ASPH: variants seen among roughly 807,000 people sequenced by gnomAD.
ASPH encodes aspartyl/asparaginyl beta-hydroxylase.
Under a neutral mutation model 118.4 loss-of-function variants are expected in ASPH, and 100 were observed. The observed-to-expected ratio is 0.84, with a 90% CI of 0.72 to 1.00. The LOEUF (loss-of-function observed/expected upper bound fraction) is 1.00. Among genes scored for constraint, ASPH ranks in the 50% least tolerant of loss-of-function variants. The probability of loss-of-function intolerance (pLI) is 0.00; values close to 1 mark genes in which losing one functional copy is unlikely to be tolerated. For synonymous variants in ASPH, 315 were observed against 325.6 expected, an observed-to-expected ratio of 0.97 and a Z score of 0.35; for missense variants, 920 against 919.5, an observed-to-expected ratio of 1.00 and a Z score of -0.01.
intron 16 of ASPH, among the ~76,000 whole-genome samples, chr8:61,569,565 G>A (rs868098082): frequency 3.3e-5 from 5 of 150,318 alleles, no homozygotes; most frequent in Non-Finnish European, 4.4e-5. Flanking sequence ...GACAAAATAA[G>A]ACAACTATGG....
chr8:61,621,078 T>C (rs1456230109), intron 13 of ASPH, among the ~76,000 whole-genome samples: 1 of 152,186 alleles, frequency 6.6e-6, no homozygotes, highest in Non-Finnish European at 1.5e-5. Context: ...GGCCACCATC[T>C]TTCTTCAACT....
intron 24 of ASPH, among the ~76,000 whole-genome samples, chr8:61,509,187 A>G (rs1210719330): frequency 6.6e-6 from 1 of 152,228 alleles, no homozygotes; most frequent in Non-Finnish European, 1.5e-5. Context: ...CCTGATCCAG[A>G]GCCCAAAAGA....
intron 15 of ASPH, among the ~76,000 whole-genome samples, chr8:61,577,816 G>C (rs1323643086): frequency 2.0e-5 from 3 of 152,174 alleles, no homozygotes; most frequent in Non-Finnish European, 4.4e-5. Context: ...TCCACCAGGT[G>C]TCTCTCTAGG....
At chr8:61,553,964 T>G (rs187994688) in intron 19 of ASPH, among the ~76,000 whole-genome samples, 1 of 152,330 alleles carries the variant, frequency 6.6e-6, no homozygotes, top group East Asian at 1.9e-4. Context: ...CACGATAGAA[T>G]GGGAAAGGCA....
intron 22 of ASPH, 78 bp downstream of exon 22, chr8:61,525,899 T>A: frequency 6.4e-7 from 1 of 1,551,630 alleles, no homozygotes. Flanking sequence ...CTGGGAAGCA[T>A]CACCAGAAGA....
chr8:61,699,922 G>A (rs1185453653), intron 1 of ASPH, among the ~76,000 whole-genome samples: 5 of 152,128 alleles, frequency 3.3e-5, no homozygotes, highest in Non-Finnish European at 5.9e-5. Flanking sequence ...GGGGAATGAC[G>A]GCTACAGAGA....
chr8:61,663,492 C>G, intron 3 of ASPH: 1 of 985,332 alleles, frequency 1.0e-6, no homozygotes, highest in Non-Finnish European at 1.2e-6. Flanking sequence ...GAAACCAGCA[C>G]AGTTAAGACT....
At chr8:61,550,442 T>TACACACAC (rs34577657) in intron 20 of ASPH, among the ~76,000 whole-genome samples, 1,508 of 147,678 alleles carry the variant, frequency 0.01, 28 homozygotes, top group African/African-American at 0.035. Flanking sequence ...CACATGTACA[T>TACACACAC]ACACACACAC....
At chr8:61,585,055 A>C (rs1365659292) in intron 14 of ASPH, among the ~76,000 whole-genome samples, 1 of 152,154 alleles carries the variant, frequency 6.6e-6, no homozygotes, top group Admixed American at 6.5e-5. Context: ...TCACGCGCTT[A>C]TCTTAGTCCT....
intron 15 of ASPH, among the ~76,000 whole-genome samples, chr8:61,580,627 G>A (rs1405114492): frequency 6.6e-6 from 1 of 152,206 alleles, no homozygotes; most frequent in Non-Finnish European, 1.5e-5. Context: ...CTATCCAGAG[G>A]TTTTACGGGA....
chr8:61,597,197 A>G (rs766060978), intron 14 of ASPH, among the ~76,000 whole-genome samples: 21 of 31,954 alleles, frequency 6.6e-4, no homozygotes, highest in Middle Eastern at 0.019. Flanking sequence ...TCCAGTCAGG[A>G]AAAAAAAAAA....
At chr8:61,689,575 C>T in intron 1 of ASPH, 1 of 1,275,198 alleles carries the variant, frequency 7.8e-7, no homozygotes, top group Non-Finnish European at 1.1e-6. Flanking sequence ...AGTCAAAGCA[C>T]TTAGCCAAAA....
intron 18 of ASPH, among the ~76,000 whole-genome samples, chr8:61,558,312 A>C (rs2131336572): frequency 6.6e-6 from 1 of 152,310 alleles, no homozygotes; most frequent in East Asian, 1.9e-4. Context: ...TGATGGAGGA[A>C]AAGGCATTCA....
chr8:61,712,079 G>A (rs886813221), intron 1 of ASPH, among the ~76,000 whole-genome samples: 1 of 152,206 alleles, frequency 6.6e-6, no homozygotes, highest in East Asian at 1.9e-4. Context: ...AATTAGTTGA[G>A]TTTCCATGAA....
rs539978373 is a variant in ASPH at position 61,714,346 on chromosome 8, C to T, written c.26G>A (p.Ser9Asn). Residue 9 changes from serine to asparagine, a missense_variant, in exon 1 of 25, where the codon AGC becomes AAC. Coordinates refer to ENST00000379454, the MANE Select transcript of ASPH (RefSeq NM_004318.4). MAQRKNAKSSGNSSSSGSG... is the reference protein window; with the variant it reads MAQRKNAKNSGNSSSSGSG... ...GCCGCTGCTGCTGCTGTTGCCGCTG[C>T]TCTTGGCATTCTTACGCTGGGCCAT... 8.1e-5 allele frequency: 123 copies of T among 1,517,902 alleles called. No individual in the cohort carries two copies. In the African/African-American group the frequency reaches 1.4e-3, roughly 18 times the overall value. The allele number at this position is 1,517,902 out of a possible 1,614,324, so 94.0% of individuals were successfully genotyped here. A position where few individuals can be genotyped will look rare whatever the true frequency, so the allele number is the denominator to read the frequency against.
chr8:61,528,165 T>C (rs952024617), intron 21 of ASPH, among the ~76,000 whole-genome samples: 2 of 152,124 alleles, frequency 1.3e-5, no homozygotes, highest in African/African-American at 4.8e-5. Flanking sequence ...TATTACTTCA[T>C]CCCAAGTGGG....
intron 14 of ASPH, among the ~76,000 whole-genome samples, chr8:61,618,686 A>G (rs1463634232): frequency 1.3e-5 from 2 of 152,218 alleles, no homozygotes; most frequent in African/African-American, 4.8e-5. Context: ...TATTATTCCT[A>G]CGTTACAGAA....
chr8:61,577,460 T>C (rs994425274), intron 15 of ASPH, among the ~76,000 whole-genome samples: 46 of 150,160 alleles, frequency 3.1e-4, no homozygotes, highest in African/African-American at 1.1e-3. Flanking sequence ...TATGTGGTTT[T>C]GCTAAAGAAA....
At chr8:61,520,814 G>A (rs1033373084) in intron 22 of ASPH, among the ~76,000 whole-genome samples, 1 of 152,216 alleles carries the variant, frequency 6.6e-6, no homozygotes, top group Non-Finnish European at 1.5e-5. Context: ...ACAAGCACCA[G>A]GTGGCTGAGC....
Sources: allele counts gnomAD v4.1 joint callset (sites outside exome capture counted in the v4.1 genomes callset), GRCh38; gene constraint gnomAD v4.1.1; transcripts MANE v1.5; gene names NCBI Gene and HGNC (gene_info 2026-07-23, HGNC 2026-07-21).